MCF2L: variants seen among roughly 807,000 people sequenced by gnomAD.
MCF2L encodes MCF.2 cell line derived transforming sequence like, also known as guanine nucleotide exchange factor DBS.
Under a neutral mutation model 153.4 loss-of-function variants are expected in MCF2L, and 97 were observed. The ratio of observed to expected loss-of-function variants is 0.63; its 90% CI spans 0.54 to 0.75. The LOEUF is 0.75. Among genes scored for constraint, MCF2L ranks in the 30% least tolerant of loss-of-function variants. MCF2L has a pLI of 0.00. For synonymous variants in MCF2L, 659 were observed against 632.2 expected, an observed-to-expected ratio of 1.04 and a Z score of -0.64; for missense variants, 1,347 against 1,495.2, an observed-to-expected ratio of 0.90 and a Z score of 1.64.
rs2035717292 is a variant in MCF2L, at chr13:113,096,882, C to T, written c.*23C>T. 2 of 1,373,648 alleles carry T rather than the reference C, an allele frequency of 1.5e-6. No individual in the cohort carries two copies. Among genetic ancestry groups the T allele is most frequent in the African/African-American group, 1.5e-5 (1 of 65,664 alleles). The allele number at this position is 1,373,648 out of a possible 1,614,324, so 85.1% of individuals were successfully genotyped here. On this transcript the variant is annotated 3_prime_UTR_variant, in exon 30 of 30. Coordinates refer to ENST00000535094, the MANE Select transcript of MCF2L (RefSeq NM_001112732.3). ...TAGCGCGGCCTCGGCGCCGGAGACC[C>T]GCGCGCTGTCTGGGGCTGCGGTGGC...
intron 3 of MCF2L, 86 bp downstream of exon 3, chr13:113,024,844 G>C: frequency 9.6e-7 from 1 of 1,042,976 alleles, no homozygotes. Context: ...CTGCAACTAT[G>C]GGATGAGGCA....
At chr13:113,040,031 A>G (rs865879018) in intron 3 of MCF2L, among the ~76,000 whole-genome samples, 10 of 152,254 alleles carry the variant, frequency 6.6e-5, no homozygotes, top group Admixed American at 2.0e-4. Flanking sequence ...ATATTTCATC[A>G]TATATGTATA....
chr13:113,072,074 T>C (rs1288601040), intron 9 of MCF2L, among the ~76,000 whole-genome samples: 1 of 152,252 alleles, frequency 6.6e-6, no homozygotes, highest in Non-Finnish European at 1.5e-5. Flanking sequence ...TTTGTTTGAC[T>C]TACCTTTAAT....
At position 113,082,359 on chromosome 13, in the gene MCF2L, C is replaced by T. The variant is rs2034223040; in HGVS notation, c.1876-68C>T. 3 of 915,320 alleles carry T rather than the reference C, an allele frequency of 3.3e-6. 1 individual carries two copies. Among genetic ancestry groups the T allele is most frequent in the African/African-American group, 3.3e-5 (2 of 61,462 alleles). The allele number at this position is 915,320 out of a possible 1,614,324, so 56.7% of individuals were successfully genotyped here. ...CCTGGCCCACAGATGAGCCGGCATC[C>T]CTGGCCCACCTGCCCCCCCACAGCA... is the stretch of plus-strand genomic sequence containing the variant. On this transcript the variant is annotated intron_variant, in intron 16 of 29. Transcript: ENST00000535094.
chr13:113,013,024 G>GCCCCC (rs2084273854), intron 1 of MCF2L, among the ~76,000 whole-genome samples: 1 of 152,056 alleles, frequency 6.6e-6, no homozygotes, highest in African/African-American at 2.4e-5. Context: ...CACGGTCTGT[G>GCCCCC]AGGCAGGCAG....
upstream of MCF2L, among the ~76,000 whole-genome samples, chr13:112,966,490 C>G (rs1187208235): frequency 2.6e-5 from 4 of 152,224 alleles, no homozygotes; most frequent in African/African-American, 2.4e-5. The surrounding 1 kb of genome is among the most constrained non-coding windows in gnomAD (Gnocchi z 4.1). Context: ...AAGTGTCAAT[C>G]TCATCTAAAC....
Position 113,077,108 on chromosome 13 carries a change from C to G in MCF2L, c.1557C>G (p.Arg519=). The change falls in exon 13 of 30, where the codon CGC becomes CGG. Residue 519 remains arginine (R), a synonymous_variant. Coordinates refer to ENST00000535094, the MANE Select transcript of MCF2L (RefSeq NM_001112732.3). ...KQASMEEVFH[R]RQASLKKLAA... ...CAAGCATGGAGGAGGTGTTCCACCGCAGGCAGGCCAGCCTGAAGAAGCTGG... is the reference window on the plus strand; with the variant it reads ...CAAGCATGGAGGAGGTGTTCCACCGGAGGCAGGCCAGCCTGAAGAAGCTGG... 6.2e-7 allele frequency: 1 copy of G among 1,612,862 alleles called. No individual in the cohort carries two copies.
At chr13:112,926,784 C>T (rs1432425588) in intron 2 of MCF2L, among the ~76,000 whole-genome samples, 23 of 151,130 alleles carry the variant, frequency 1.5e-4, no homozygotes, top group Admixed American at 1.3e-3. Flanking sequence ...AGCAGAGTGG[C>T]GGTCGCCTGG....
At chr13:112,927,200 G>C (rs1238954502) in intron 2 of MCF2L, among the ~76,000 whole-genome samples, 1 of 152,194 alleles carries the variant, frequency 6.6e-6, no homozygotes, top group Non-Finnish European at 1.5e-5. Flanking sequence ...GCAGTATCTA[G>C]CGAGGTCATA....
At chr13:112,899,480 T>C (rs2081100271) in intron 1 of MCF2L, among the ~76,000 whole-genome samples, 1 of 152,192 alleles carries the variant, frequency 6.6e-6, no homozygotes, top group African/African-American at 2.4e-5. Context: ...GAAAGTCTGT[T>C]TTCTTGCCCT....
chr13:113,019,743 A>G (rs912379513), intron 2 of MCF2L, among the ~76,000 whole-genome samples: 1 of 152,042 alleles, frequency 6.6e-6, no homozygotes, highest in Non-Finnish European at 1.5e-5. Context: ...TTGGGAGGAG[A>G]TTAGGTCATG....
chr13:112,971,268 T>C (rs2082030014), intron 1 of MCF2L, among the ~76,000 whole-genome samples: 2 of 152,104 alleles, frequency 1.3e-5, no homozygotes, highest in Non-Finnish European at 2.9e-5. Context: ...CCACCTCGGG[T>C]TTAAATTCCA....
At chr13:113,057,408 G>C (rs1471521208) in intron 4 of MCF2L, among the ~76,000 whole-genome samples, 3 of 145,578 alleles carry the variant, frequency 2.1e-5, no homozygotes, top group African/African-American at 7.7e-5. Context: ...GAGTGTTTAG[G>C]TGCTGTGTGT....
At chr13:112,959,570 T>A (rs2081799443) in intron 2 of MCF2L, among the ~76,000 whole-genome samples, 3 of 152,296 alleles carry the variant, frequency 2.0e-5, no homozygotes, top group Middle Eastern at 3.4e-3. Flanking sequence ...GAGGATACTG[T>A]CCATGGCTGT....
chr13:113,021,721 C>T (rs1241078327), intron 2 of MCF2L, among the ~76,000 whole-genome samples: 1 of 152,218 alleles, frequency 6.6e-6, no homozygotes, highest in African/African-American at 2.4e-5. Context: ...CCCAGCTCCG[C>T]GTCCAGCGGT....
intron 15 of MCF2L, among the ~76,000 whole-genome samples, chr13:113,080,964 C>T (rs1237265474): frequency 1.3e-5 from 2 of 152,216 alleles, no homozygotes; most frequent in African/African-American, 2.4e-5. Context: ...CGGTGTGTGC[C>T]GGGCCAGGGG....
chr13:112,954,934 G>A (rs556358349), intron 2 of MCF2L, among the ~76,000 whole-genome samples: 4 of 152,336 alleles, frequency 2.6e-5, no homozygotes, highest in East Asian at 3.9e-4. Context: ...AGTTGGTCAC[G>A]ATGGCTGTGG....
At chr13:112,954,714 C>G (rs904842310) in intron 2 of MCF2L, among the ~76,000 whole-genome samples, 3 of 152,198 alleles carry the variant, frequency 2.0e-5, no homozygotes, top group Non-Finnish European at 2.9e-5. Context: ...TGCTCCAGGA[C>G]CTCTGGGGTG....
Position 113,031,977 on chromosome 13 carries a change from C to T in MCF2L, c.278+7219C>T, listed in dbSNP as rs547051873. Among the ~76,000 whole-genome samples the T allele has an allele frequency of 3.3e-5, 5 of 152,276 alleles. No individual in the cohort carries two copies. In the South Asian group the frequency reaches 1.0e-3, roughly 32 times the overall value. On this transcript the variant is annotated intron_variant, in intron 3 of 29. Coordinates refer to ENST00000535094, the MANE Select transcript of MCF2L (RefSeq NM_001112732.3). This position sits in a 1 kb window ranked among gnomAD's most constrained non-coding sequence, Gnocchi z 5.5. ...ACACACGTGCGCACACACACACATG[C>T]AAGTGCATGCATACCCCCCCACAGA...
Sources: gnomAD v4.1 joint callset for allele counts (sites outside exome capture counted in the v4.1 genomes callset) on GRCh38, gnomAD v4.1.1 for gene constraint, Gnocchi (gnomAD v3.1) non-coding constraint, MANE v1.5 for transcripts, NCBI Gene and HGNC (gene_info 2026-07-23, HGNC 2026-07-21) for gene names.